The following ZNF274 variants were observed in gnomAD, a reference collection of about 807,000 sequenced individuals.
ZNF274 encodes neurotrophin receptor-interacting factor homolog.
A neutral mutation model predicts 42.5 loss-of-function variants in ZNF274; 23 were observed. The ratio of observed to expected loss-of-function variants is 0.54; its 90% CI spans 0.39 to 0.77. The LOEUF is 0.77. Among genes scored for constraint, ZNF274 ranks in the 30% least tolerant of loss-of-function variants. The probability of loss-of-function intolerance (pLI) is 0.00; values close to 1 mark genes in which losing one functional copy is unlikely to be tolerated. For synonymous variants in ZNF274, 292 were observed against 305.4 expected (o/e 0.96, Z 0.46); for missense variants, 679 against 806.5 (o/e 0.84, Z 1.91).
In ZNF274 at chr19:58,211,552, T is replaced by C. The variant is rs776482132; in HGVS notation, c.853-8T>C. 1 of 1,610,804 alleles carries C rather than the reference T, an allele frequency of 6.2e-7. No homozygotes were observed. Among genetic ancestry groups the C allele is most frequent in the East Asian group, 2.2e-5 (1 of 44,818 alleles). ...TTGCTGAGCATAGACACATATGTGA[T>C]GTTACAGGAGCCAGTGACCTTCCAG... On this transcript the variant is annotated splice_region_variant and splice_polypyrimidine_tract_variant and intron_variant, in intron 6 of 7. Coordinates refer to ENST00000617501, the MANE Select transcript of ZNF274 (RefSeq NM_133502.3). This position sits in a 1 kb window ranked among gnomAD's most constrained non-coding sequence, Gnocchi z 4.8.
Position 58,211,666 on chromosome 19 carries a change from T to C in ZNF274, c.959T>C (p.Phe320Ser). 6.2e-7 allele frequency: 1 copy of C among 1,613,356 alleles called. No homozygotes were observed. Among genetic ancestry groups the C allele is most frequent in the Non-Finnish European group, 8.5e-7 (1 of 1,179,518 alleles). Reference protein sequence around the residue: ...TEYRDVMLETFGHLVSVGWET... With the variant: ...TEYRDVMLETSGHLVSVGWET... ...TACCGCGATGTGATGCTGGAGACCT[T>C]TGGGCACCTGGTCTCTGTGGGTAAG... is the stretch of plus-strand genomic sequence containing the variant. Residue 320 changes from phenylalanine to serine, a missense_variant, in exon 7 of 8, where the codon TTT becomes TCT. Phe to Ser is a radical substitution (Grantham distance 155). Transcript: ENST00000617501. This position sits in a 1 kb window ranked among gnomAD's most constrained non-coding sequence, Gnocchi z 4.8.
In ZNF274 at chr19:58,192,278, G is replaced by A. The variant is rs76550415; in HGVS notation, c.256+5236G>A. Among the ~76,000 whole-genome samples the A allele has an allele frequency of 5.4e-3, 824 of 152,326 alleles. 8 individuals are homozygous for A. Among genetic ancestry groups the A allele is most frequent in the African/African-American group, 0.019 (799 of 41,564 alleles). ...ACAGCTCACTCTGGGTGGCTGTGAA[G>A]AAAGAATTGTGGTATGTCACAGATT... On this transcript the variant is annotated intron_variant, in intron 4 of 7. Coordinates refer to ENST00000617501, the MANE Select transcript of ZNF274 (RefSeq NM_133502.3).
rs1431463649 is a variant in ZNF274, at chr19:58,208,169, G to A, written c.739+967G>A. ...CACCTCCATTTTCCACATTTCACGG[G>A]TGCCCAGAAGATGTTTCTGATGTGA... On this transcript the variant is annotated intron_variant, in intron 5 of 7. Transcript: ENST00000617501. This position sits in a 1 kb window ranked among gnomAD's most constrained non-coding sequence, Gnocchi z 4.5. 1 of 152,244 alleles carries A rather than the reference G, an allele frequency of 6.6e-6. No individual in the cohort carries two copies. The highest frequency in any genetic ancestry group is 1.9e-4 in the East Asian group (1 of 5,196). 9.4% of individuals were successfully genotyped at this position (152,244 alleles called of 1,614,324 possible).
chr19:58,186,535 CAAAA>C (rs10695409), intron 3 of ZNF274, among the ~76,000 whole-genome samples: 2 of 102,238 alleles, frequency 2.0e-5, no homozygotes, highest in African/African-American at 3.9e-5. Flanking sequence ...GACTCCGTCT[CAAAA>C]AAAAAAAAAA....
At chr19:58,203,009 A>G (rs2075932393) in intron 4 of ZNF274, among the ~76,000 whole-genome samples, 1 of 152,204 alleles carries the variant, frequency 6.6e-6, no homozygotes, top group African/African-American at 2.4e-5. Flanking sequence ...GAAGAATCCA[A>G]CAGTTGTTTT....
At chr19:58,199,392 A>G (rs531706364) in intron 4 of ZNF274, among the ~76,000 whole-genome samples, 5 of 152,066 alleles carry the variant, frequency 3.3e-5, no homozygotes, top group Non-Finnish European at 7.4e-5. Context: ...GCAAAATGAC[A>G]TTACAAAATA....
chr19:58,183,763 C>A lies in ZNF274; in HGVS notation c.-45-158C>A, dbSNP rs2075660388. The A allele has an allele frequency of 2.8e-5, 16 of 571,252 alleles. No homozygotes were observed. The East Asian group carries it at 4.8e-4, about 17-fold the overall frequency. 35.4% of individuals were successfully genotyped at this position (571,252 alleles called of 1,614,324 possible). A position where few individuals can be genotyped will look rare whatever the true frequency, so the allele number is the denominator to read the frequency against. ...TCGGGGAGGGGAAAACTGGTCCTAT[C>A]CAGTCCTGTGGGAGTCCTATGACTC... On this transcript the variant is annotated intron_variant, in intron 1 of 7. Coordinates refer to ENST00000617501, the MANE Select transcript of ZNF274 (RefSeq NM_133502.3).
chr19:58,212,477 C>A lies in ZNF274; in HGVS notation c.1296C>A (p.Gly432=). 6.2e-7 allele frequency: 1 copy of A among 1,613,722 alleles called. No homozygotes were observed. The highest frequency in any genetic ancestry group is 2.2e-5 in the East Asian group (1 of 44,882). Residue 432 remains glycine (G), a synonymous_variant, in exon 8 of 8, where the codon GGC becomes GGA. Coordinates refer to ENST00000617501, the MANE Select transcript of ZNF274 (RefSeq NM_133502.3). The surrounding 1 kb of genome is among the most constrained non-coding windows in gnomAD (Gnocchi z 4.6). ...ACCCTGAGTCCCAGGCAAACAGTGGCGCTCTTGACACAAACCAAGTTTTGC... is the reference window on the plus strand; with the variant it reads ...ACCCTGAGTCCCAGGCAAACAGTGGAGCTCTTGACACAAACCAAGTTTTGC... ...IDNPESQANS[G]ALDTNQVLLH...
intron 4 of ZNF274, among the ~76,000 whole-genome samples, chr19:58,191,162 A>G (rs1406500659): frequency 1.3e-5 from 2 of 152,290 alleles, no homozygotes; most frequent in East Asian, 1.9e-4. Flanking sequence ...TTTTTGAGAC[A>G]GAGTCTCACT....
Position 58,211,788 on chromosome 19 carries a change from T to G in ZNF274, c.979+102T>G. 2 of 1,463,208 alleles carry G rather than the reference T, an allele frequency of 1.4e-6. No homozygotes were observed. Among genetic ancestry groups the G allele is most frequent in the Non-Finnish European group, 9.1e-7 (1 of 1,096,674 alleles). 90.6% of individuals were successfully genotyped at this position (1,463,208 alleles called of 1,614,324 possible). On this transcript the variant is annotated intron_variant, in intron 7 of 7. Coordinates refer to ENST00000617501, the MANE Select transcript of ZNF274 (RefSeq NM_133502.3). The surrounding 1 kb of genome is among the most constrained non-coding windows in gnomAD (Gnocchi z 4.8). Reference sequence around the variant, plus strand: ...TCTAGACTCCACACTGGGCATTCCCTCAAGGGGCCCTTGCTGCATCCAGGG... The same window carrying G: ...TCTAGACTCCACACTGGGCATTCCCGCAAGGGGCCCTTGCTGCATCCAGGG...
intron 4 of ZNF274, among the ~76,000 whole-genome samples, chr19:58,188,142 G>C (rs549643078): frequency 1.3e-5 from 2 of 152,196 alleles, no homozygotes; most frequent in South Asian, 4.2e-4. Flanking sequence ...GAACAAGTTG[G>C]TTTTTCTGTA....
At chr19:58,195,440 A>G (rs1272423387) in intron 4 of ZNF274, among the ~76,000 whole-genome samples, 1 of 152,176 alleles carries the variant, frequency 6.6e-6, no homozygotes, top group Non-Finnish European at 1.5e-5. Context: ...ACATAAAAAC[A>G]TCCGTGTGGA....
chr19:58,187,120 T>A, intron 4 of ZNF274, 78 bp downstream of exon 4: 1 of 1,276,126 alleles, frequency 7.8e-7, no homozygotes, highest in Non-Finnish European at 1.1e-6. Context: ...GGAAAAGCAG[T>A]AGACATTGGG....
intron 4 of ZNF274, among the ~76,000 whole-genome samples, chr19:58,193,957 T>A (rs1024448185): frequency 2.6e-5 from 4 of 151,956 alleles, no homozygotes; most frequent in African/African-American, 9.7e-5. Flanking sequence ...TATCTATATA[T>A]CTATATCACA....
chr19:58,206,243 A>G (rs2075977404), intron 4 of ZNF274, among the ~76,000 whole-genome samples: 1 of 152,194 alleles, frequency 6.6e-6, no homozygotes, highest in Non-Finnish European at 1.5e-5. Context: ...TGTAGCATAT[A>G]TTAGTAGTAC....
intron 4 of ZNF274, among the ~76,000 whole-genome samples, chr19:58,205,500 ATTAAT>A (rs1600153346): frequency 6.6e-6 from 1 of 152,112 alleles, no homozygotes; most frequent in African/African-American, 2.4e-5. Context: ...ATCACACCTG[ATTAAT>A]TTAAACTTTT....
intron 2 of ZNF274, 145 bp downstream of exon 2, chr19:58,184,143 C>T: frequency 5.8e-6 from 5 of 868,880 alleles, no homozygotes; most frequent in African/African-American, 1.7e-5. Context: ...CATGAGAGAT[C>T]CTGCGTGATG....
chr19:58,193,424 G>A (rs1803673339), intron 4 of ZNF274, among the ~76,000 whole-genome samples: 1 of 146,526 alleles, frequency 6.8e-6, no homozygotes, highest in South Asian at 2.1e-4. Flanking sequence ...GGGATTACAG[G>A]TGTGAGCCAC....
Position 58,211,988 on chromosome 19 carries a change from A to G in ZNF274, c.980-173A>G, listed in dbSNP as rs1024677940. 2.0e-5 allele frequency among the ~76,000 whole-genome samples: 3 copies of G among 152,150 alleles called. No individual in the cohort carries two copies. Among genetic ancestry groups the G allele is most frequent in the African/African-American group, 7.2e-5 (3 of 41,438 alleles). On this transcript the variant is annotated intron_variant, in intron 7 of 7. Coordinates refer to ENST00000617501, the MANE Select transcript of ZNF274 (RefSeq NM_133502.3). This position sits in a 1 kb window ranked among gnomAD's most constrained non-coding sequence, Gnocchi z 4.8. Reference sequence around the variant, plus strand: ...TTCCTGTCCCTTGTTCACCAAGGTCAGTGCTCCCCTCCCTGCCGCTTCATT... The same window carrying G: ...TTCCTGTCCCTTGTTCACCAAGGTCGGTGCTCCCCTCCCTGCCGCTTCATT...
Sources: gnomAD v4.1 joint callset for allele counts (sites outside exome capture counted in the v4.1 genomes callset) on GRCh38, gnomAD v4.1.1 for gene constraint, Gnocchi (gnomAD v3.1) non-coding constraint, MANE v1.5 for transcripts, NCBI Gene and HGNC (gene_info 2026-07-23, HGNC 2026-07-21) for gene names.